Variants in MPP4 observed in about 807,000 individuals in gnomAD.
MPP4 encodes MAGUK p55 subfamily member 4.
MPP4 carries 91 observed loss-of-function variants against 98.3 expected under a neutral mutation model. The ratio of observed to expected loss-of-function variants is 0.93; its 90% CI spans 0.78 to 1.10. MPP4 has a LOEUF of 1.10. Ranked by LOEUF, MPP4 falls within the 50% of genes least tolerant of loss-of-function variation. MPP4 has a pLI of 0.00. For missense variants in MPP4, 744 were observed against 792.9 expected (o/e 0.94, Z 0.74); for synonymous variants, 261 against 271.8 (o/e 0.96, Z 0.39).
At chr2:201,687,034 C>A (rs1688858529) in intron 5 of MPP4, among the ~76,000 whole-genome samples, 1 of 152,170 alleles carries the variant, frequency 6.6e-6, no homozygotes, top group Non-Finnish European at 1.5e-5. Flanking sequence ...TGGGCAATAG[C>A]TTTGTAGGGG....
At chr2:201,671,715 T>C (rs988411704) in intron 11 of MPP4, among the ~76,000 whole-genome samples, 1 of 152,116 alleles carries the variant, frequency 6.6e-6, no homozygotes, top group Non-Finnish European at 1.5e-5. Flanking sequence ...TCTAAATATA[T>C]ATGCACCGAA....
In MPP4 at chr2:201,690,221, G is replaced by C; in HGVS notation, c.260C>G (p.Ala87Gly). The change falls in exon 4 of 22, where the codon GCA becomes GGA. Residue 87 changes from alanine (A) to glycine (G), a missense_variant. Ala to Gly is a moderately conservative substitution (Grantham distance 60). Transcript: ENST00000409474. The stretch of plus-strand genomic sequence containing the variant: ...CCTTACCTCATAGGATAACACCTGT[G>C]CATGTGGTGTGGCAGGAACTAGTTT... ...EKKLVPATPH[A>G]QVLSYEVVEL... 1.2e-6 allele frequency: 2 copies of C among 1,608,864 alleles called. No homozygotes were observed. Among genetic ancestry groups the C allele is most frequent in the Non-Finnish European group, 1.7e-6 (2 of 1,177,248 alleles).
At chr2:201,654,156 A>C (rs1436107101) in intron 18 of MPP4, among the ~76,000 whole-genome samples, 1 of 152,054 alleles carries the variant, frequency 6.6e-6, no homozygotes, top group Admixed American at 6.6e-5. Flanking sequence ...TTGTATTTTA[A>C]GTAGAGACGG....
chr2:201,674,082 A>G (rs2105931784), intron 11 of MPP4, among the ~76,000 whole-genome samples: 1 of 152,350 alleles, frequency 6.6e-6, no homozygotes, highest in South Asian at 2.1e-4. Flanking sequence ...AACTGCATTC[A>G]TTAAGTAACA....
In MPP4 at chr2:201,650,096, A is replaced by C. The variant is rs904236270; in HGVS notation, c.1451T>G (p.Phe484Cys). The C allele has an allele frequency of 3.8e-6, 6 of 1,578,048 alleles. No homozygotes were observed. The African/African-American group carries it at 8.1e-5, about 21-fold the overall frequency. The change falls in exon 19 of 22, where the codon TTT becomes TGT. Residue 484 changes from phenylalanine (F) to cysteine (C), a missense_variant. Coordinates refer to ENST00000409474, the MANE Select transcript of MPP4 (RefSeq NM_033066.3). ...CCTGTGACTATATATGAGGTTTTCA[A>C]ATGTTTCCTTGGACACATAGTGATA... ...REYHYVSKET[F>C]ENLIYSHRML...
chr2:201,648,776 G>A (rs1393874902), intron 20 of MPP4, among the ~76,000 whole-genome samples: 1 of 152,172 alleles, frequency 6.6e-6, no homozygotes, highest in African/African-American at 2.4e-5. Flanking sequence ...AAGAAAACAT[G>A]GCTGGGCGCA....
At chr2:201,695,131 A>T (rs1456398048) in intron 1 of MPP4, among the ~76,000 whole-genome samples, 1 of 152,148 alleles carries the variant, frequency 6.6e-6, no homozygotes, top group East Asian at 1.9e-4. Context: ...GCCTTGCTCC[A>T]CGAAGTCCTC....
At chr2:201,682,747 A>G (rs950760970) in intron 8 of MPP4, 84 bp downstream of exon 8, 184 of 1,162,246 alleles carry the variant, frequency 1.6e-4, no homozygotes, top group Non-Finnish European at 2.2e-4. Flanking sequence ...GGTACATCCC[A>G]GTGCACACAC....
At chr2:201,653,134 A>G (rs1056994912) in intron 18 of MPP4, among the ~76,000 whole-genome samples, 6 of 152,122 alleles carry the variant, frequency 3.9e-5, no homozygotes, top group African/African-American at 1.2e-4. Context: ...TGTCTTATAC[A>G]TTACCTGCCC....
chr2:201,677,645 C>A (rs1046786132), intron 10 of MPP4, among the ~76,000 whole-genome samples: 7 of 152,170 alleles, frequency 4.6e-5, no homozygotes, highest in Non-Finnish European at 8.8e-5. Context: ...GCTCTTCATA[C>A]CACTTACCCT....
intron 3 of MPP4, among the ~76,000 whole-genome samples, chr2:201,692,184 C>T (rs931214495): frequency 2.0e-5 from 3 of 152,202 alleles, no homozygotes; most frequent in Non-Finnish European, 4.4e-5. Flanking sequence ...TGATAAATGA[C>T]ACCATTGGGT....
At chr2:201,696,441 G>C (rs1344591287) in intron 1 of MPP4, among the ~76,000 whole-genome samples, 1 of 152,184 alleles carries the variant, frequency 6.6e-6, no homozygotes, top group Non-Finnish European at 1.5e-5. Context: ...AGATGAGGCT[G>C]ACACTCAGGC....
intron 3 of MPP4, among the ~76,000 whole-genome samples, chr2:201,691,648 G>A (rs1036690654): frequency 1.5e-4 from 23 of 152,132 alleles, no homozygotes; most frequent in African/African-American, 5.6e-4. Flanking sequence ...CTCCAGAGTA[G>A]CTGAGATTAC....
rs1010639388 is a variant in MPP4, at chr2:201,651,045, A to G, written c.1382-880T>C. On this transcript the variant is annotated intron_variant, in intron 18 of 21. Transcript: ENST00000409474. ...TTCTGAAAACACAAAGATGAGTAAG[A>G]CAGTTTCAACTCTGCATCCTATATA... The G allele has an allele frequency of 4.1e-6, 4 of 985,228 alleles. No individual in the cohort carries two copies. The African/African-American group carries it at 7.0e-5, about 17-fold the overall frequency. 61.0% of individuals were successfully genotyped at this position (985,228 alleles called of 1,614,324 possible).
chr2:201,653,857 A>C (rs988287047), intron 18 of MPP4, among the ~76,000 whole-genome samples: 2 of 152,198 alleles, frequency 1.3e-5, no homozygotes, highest in African/African-American at 4.8e-5. Flanking sequence ...TAAAAAACTC[A>C]CACAACTCTA....
At chr2:201,648,417 G>T (rs1028123622) in intron 20 of MPP4, among the ~76,000 whole-genome samples, 8 of 152,140 alleles carry the variant, frequency 5.3e-5, no homozygotes, top group Admixed American at 1.3e-4. Flanking sequence ...TTAGAGTATA[G>T]TCTCATGTAC....
intron 18 of MPP4, chr2:201,651,695 T>C (rs941563134): frequency 1.8e-5 from 18 of 979,486 alleles, no homozygotes; most frequent in Non-Finnish European, 2.2e-5. Flanking sequence ...GGCTCACGCC[T>C]GTAATCCCAG....
At position 201,654,864 on chromosome 2, in the gene MPP4, GA is replaced by G. The variant is rs1488701663; in HGVS notation, c.1353del (p.Ser453AlafsTer19). ...GGCACAGCACTTTGAAAATGGCTGG[GA>G]TTAAATTCAATAAGTTGTCTTCTGA... The part of the protein sequence containing the change: ...NELRRQLIEF[N>X]PSHFQSAVPH... On this transcript the variant is annotated frameshift_variant, in exon 18 of 22. Coordinates refer to ENST00000409474, the MANE Select transcript of MPP4 (RefSeq NM_033066.3). LOFTEE classifies it high-confidence loss of function. The G allele has an allele frequency of 6.2e-7, 1 of 1,604,990 alleles. No individual in the cohort carries two copies.
intron 4 of MPP4, among the ~76,000 whole-genome samples, chr2:201,689,870 T>C (rs1688955372): frequency 2.0e-5 from 3 of 152,032 alleles, no homozygotes; most frequent in Admixed American, 6.6e-5. Context: ...GACTGGAATT[T>C]AGGGAAATCT....
Sources: gnomAD v4.1 joint callset for allele counts (sites outside exome capture counted in the v4.1 genomes callset) on GRCh38, gnomAD v4.1.1 for gene constraint, MANE v1.5 for transcripts, NCBI Gene and HGNC (gene_info 2026-07-23, HGNC 2026-07-21) for gene names.